Variants in PDK1 observed in about 807,000 individuals in gnomAD.
PDK1 encodes pyruvate dehydrogenase kinase 1, also known as [Pyruvate dehydrogenase (acetyl-transferring)] kinase isozyme 1, mitochondrial.
PDK1 carries 39 observed loss-of-function variants against 54.2 expected under a neutral mutation model. The ratio of observed to expected loss-of-function variants is 0.72; its 90% confidence interval spans 0.56 to 0.94. The LOEUF (loss-of-function observed/expected upper bound fraction) is 0.94. Ranked by LOEUF, PDK1 falls within the 40% of genes least tolerant of loss-of-function variation. The pLI is 0.00. For missense variants in PDK1, 552 were observed against 566.0 expected (o/e 0.98, Z 0.25); for synonymous variants, 221 against 207.1 (o/e 1.07, Z -0.58).
At chr2:172,592,749 A>T (rs1690671305) in intron 9 of PDK1, among the ~76,000 whole-genome samples, 186 bp from the exon 10 acceptor site, 1 of 152,198 alleles carries the variant, frequency 6.6e-6, no homozygotes, top group African/African-American at 2.4e-5. Context: ...AAGTCAGCTG[A>T]TACAGTACTC....
chr2:172,674,321 A>C, the PDK1 span: 1 of 152,416 alleles, frequency 6.6e-6, no homozygotes, highest in Non-Finnish European at 1.5e-5. Context: ...CACGTTTCAA[A>C]GTCGTCCTGT....
At chr2:172,722,722 A>C in the PDK1 span, among the ~76,000 whole-genome samples, 1 of 152,170 alleles carries the variant, frequency 6.6e-6, no homozygotes, top group Non-Finnish European at 1.5e-5. Flanking sequence ...CTGGGACTTA[A>C]GCCAAGCTCT....
chr2:172,586,158 C>CA (rs373332447), intron 8 of PDK1, 120 bp from the exon 9 acceptor site: 22,300 of 351,302 alleles, frequency 0.063, 400 homozygotes, highest in African/African-American at 0.21. Flanking sequence ...GACTCTGTCT[C>CA]AAAAAAAAAA....
At chr2:172,687,945 C>G in the PDK1 span, among the ~76,000 whole-genome samples, 2 of 152,206 alleles carry the variant, frequency 1.3e-5, no homozygotes, top group Non-Finnish European at 2.9e-5. Context: ...TACCAAGTCC[C>G]CCTGCACAGG....
upstream of PDK1, chr2:172,555,846 G>A (rs1458013177): frequency 1.5e-5 from 4 of 274,052 alleles, no homozygotes; most frequent in African/African-American, 8.8e-5. Flanking sequence ...CTCGCCGGCT[G>A]GGGCGGGATC....
the PDK1 span, among the ~76,000 whole-genome samples, chr2:172,637,646 C>T: frequency 1.3e-5 from 2 of 152,118 alleles, no homozygotes; most frequent in Non-Finnish European, 2.9e-5. Flanking sequence ...TACTTTCATT[C>T]TGATCTGCTC....
the PDK1 span, among the ~76,000 whole-genome samples, chr2:172,626,460 A>G: frequency 1.3e-5 from 2 of 152,224 alleles, no homozygotes; most frequent in Non-Finnish European, 2.9e-5. Context: ...TTGGCAATCC[A>G]TATAGACACA....
the PDK1 span, among the ~76,000 whole-genome samples, chr2:172,695,225 A>G: frequency 6.6e-6 from 1 of 152,164 alleles, no homozygotes; most frequent in Non-Finnish European, 1.5e-5. Context: ...TGGTTTTATT[A>G]TATGTTATTT....
rs1305870712 is a variant in PDK1 at position 172,596,897 on chromosome 2, T to A, written c.*928T>A. Reference sequence around the variant, plus strand: ...ATGCCTACCCTAGGTTGGGAACCACTCTTTCAAAGTAAACAGTGATGACAC... The same window carrying A: ...ATGCCTACCCTAGGTTGGGAACCACACTTTCAAAGTAAACAGTGATGACAC... On this transcript the variant is annotated 3_prime_UTR_variant, in exon 11 of 11. Coordinates refer to ENST00000282077, the MANE Select transcript of PDK1 (RefSeq NM_002610.5). 1 of 152,204 alleles carries A rather than the reference T, an allele frequency of 6.6e-6. No homozygotes were observed. Among genetic ancestry groups the A allele is most frequent in the Non-Finnish European group, 1.5e-5 (1 of 68,046 alleles). 9.4% of individuals were successfully genotyped at this position (152,204 alleles called of 1,614,324 possible).
chr2:172,562,231 G>A lies in PDK1; in HGVS notation c.350G>A (p.Ser117Asn). 3.2e-6 allele frequency: 5 copies of A among 1,580,316 alleles called. No homozygotes were observed. Among genetic ancestry groups the A allele is most frequent in the Non-Finnish European group, 3.5e-6 (4 of 1,149,782 alleles). ...GATCTGCATTTTAGGTATATCCAGA[G>A]TCTTCAGGAGCTTCTTGATTTTAAG... ...VQLVQSWYIQ[S>N]LQELLDFKDK... Residue 117 changes from serine (S) to asparagine (N), a missense_variant, in exon 3 of 11, where the codon AGT becomes AAT. Coordinates refer to ENST00000282077, the MANE Select transcript of PDK1 (RefSeq NM_002610.5).
At chr2:172,693,364 G>A in the PDK1 span, among the ~76,000 whole-genome samples, 1 of 152,244 alleles carries the variant, frequency 6.6e-6, no homozygotes, top group East Asian at 1.9e-4. Context: ...TATTGCCTAA[G>A]CTGGAATTCT....
the PDK1 span, among the ~76,000 whole-genome samples, chr2:172,687,256 A>G: frequency 1.5e-4 from 23 of 152,032 alleles, no homozygotes; most frequent in African/African-American, 5.3e-4. Context: ...TTTATTGTCT[A>G]TATTGTTTCT....
In PDK1 at chr2:172,598,789, C is replaced by T. The variant is rs1691010438; in HGVS notation, c.*2820C>T. On this transcript the variant is annotated 3_prime_UTR_variant, in exon 11 of 11. Transcript: ENST00000282077. ...AATAAACTGAAAACATGGATCAACC[C>T]TTCTTTTGAAAATAAACTGAGTCAA... is the stretch of plus-strand genomic sequence containing the variant. The T allele has an allele frequency of 6.6e-6, 1 of 152,090 alleles. No individual in the cohort carries two copies. The highest frequency in any genetic ancestry group is 2.4e-5 in the African/African-American group (1 of 41,408). 9.4% of individuals were successfully genotyped at this position (152,090 alleles called of 1,614,324 possible).
At chr2:172,594,294 G>C (rs1332920732) in intron 10 of PDK1, among the ~76,000 whole-genome samples, 1 of 152,080 alleles carries the variant, frequency 6.6e-6, no homozygotes, top group Non-Finnish European at 1.5e-5. Context: ...CAAAGTGCTG[G>C]GATTACAGGC....
At chr2:172,680,778 A>G in the PDK1 span, among the ~76,000 whole-genome samples, 1 of 152,258 alleles carries the variant, frequency 6.6e-6, no homozygotes. Context: ...AAAGCTCTCT[A>G]GTCCAAAGGG....
the PDK1 span, among the ~76,000 whole-genome samples, chr2:172,649,821 A>G: frequency 1.3e-5 from 2 of 152,208 alleles, no homozygotes; most frequent in Non-Finnish European, 2.9e-5. Context: ...AAAGCCTCCA[A>G]GAAATATGGG....
At chr2:172,686,553 C>T in the PDK1 span, among the ~76,000 whole-genome samples, 26 of 152,072 alleles carry the variant, frequency 1.7e-4, no homozygotes, top group African/African-American at 4.8e-4. Context: ...AGGACATGGG[C>T]GGGGACAAAT....
the PDK1 span, among the ~76,000 whole-genome samples, chr2:172,651,321 A>G: frequency 2.0e-5 from 3 of 152,358 alleles, no homozygotes; most frequent in African/African-American, 7.2e-5. Flanking sequence ...ACACATTTAA[A>G]GCAGTTTGTA....
At chr2:172,653,207 A>G in the PDK1 span, among the ~76,000 whole-genome samples, 1 of 152,206 alleles carries the variant, frequency 6.6e-6, no homozygotes, top group Non-Finnish European at 1.5e-5. Context: ...CCTGACAAAA[A>G]CAAGGAATAG....
Sources: gnomAD v4.1 joint callset for allele counts (sites outside exome capture counted in the v4.1 genomes callset) on GRCh38, gnomAD v4.1.1 for gene constraint, MANE v1.5 for transcripts, NCBI Gene and HGNC (gene_info 2026-07-23, HGNC 2026-07-21) for gene names.